ASIC2: variants seen among roughly 807,000 people sequenced by gnomAD.
ASIC2 encodes acid-sensing ion channel 2.
A neutral mutation model predicts 57.3 loss-of-function variants in ASIC2; 25 were observed. The observed-to-expected ratio is 0.44, with a 90% confidence interval of 0.32 to 0.61. The LOEUF is 0.61. ASIC2 is among the 20% of genes least tolerant of loss of function. The pLI is 0.06. For missense variants in ASIC2, 641 were observed against 738.1 expected (o/e 0.87, Z 1.52); for synonymous variants, 319 against 307.5 (o/e 1.04, Z -0.39).
intron 1 of ASIC2, among the ~76,000 whole-genome samples, chr17:33,508,255 G>T (rs1914324426): frequency 6.6e-6 from 1 of 152,066 alleles, no homozygotes; most frequent in Admixed American, 6.6e-5. Context: ...TGGGGGTGCT[G>T]TGCTGTGGCT....
chr17:33,285,562 A>T (rs1905123079), intron 1 of ASIC2, among the ~76,000 whole-genome samples: 1 of 152,362 alleles, frequency 6.6e-6, no homozygotes, highest in South Asian at 2.1e-4. Flanking sequence ...AAACAGGAGA[A>T]TCCTGAAACC....
chr17:33,947,741 A>G (rs1298215036), intron 1 of ASIC2, among the ~76,000 whole-genome samples: 1 of 152,218 alleles, frequency 6.6e-6, no homozygotes, highest in Non-Finnish European at 1.5e-5. Context: ...AAGCACAAAG[A>G]TAAGTTGTGT....
At chr17:33,780,593 A>C (rs948451356) in intron 1 of ASIC2, among the ~76,000 whole-genome samples, 2 of 152,218 alleles carry the variant, frequency 1.3e-5, no homozygotes, top group Non-Finnish European at 2.9e-5. Context: ...TTCTTGGATG[A>C]GTTACTTAAC....
intron 1 of ASIC2, among the ~76,000 whole-genome samples, chr17:33,878,804 G>A (rs554234785): frequency 1.4e-4 from 21 of 152,278 alleles, no homozygotes; most frequent in African/African-American, 4.8e-4. Context: ...ACACATAATT[G>A]TCAGATTCAC....
intron 1 of ASIC2, among the ~76,000 whole-genome samples, chr17:33,176,354 T>G: frequency 6.6e-6 from 1 of 152,210 alleles, no homozygotes; most frequent in East Asian, 1.9e-4. Context: ...TGTTTTTTCT[T>G]TTTTGAGATA....
intron 1 of ASIC2, among the ~76,000 whole-genome samples, chr17:34,041,746 C>T (rs192994591): frequency 7.2e-5 from 11 of 152,314 alleles, no homozygotes; most frequent in African/African-American, 2.2e-4. Flanking sequence ...TGCTTGTTAT[C>T]GCTTTCTAGA....
intron 1 of ASIC2, among the ~76,000 whole-genome samples, chr17:33,163,779 A>T (rs1247293107): frequency 6.6e-6 from 1 of 152,172 alleles, no homozygotes; most frequent in African/African-American, 2.4e-5. Flanking sequence ...TGCTGTGGGG[A>T]AAAGTACCAA....
chr17:33,417,164 T>C (rs1482795757), intron 1 of ASIC2, among the ~76,000 whole-genome samples: 1 of 152,146 alleles, frequency 6.6e-6, no homozygotes, highest in Non-Finnish European at 1.5e-5. Flanking sequence ...GCTGGAGGAC[T>C]AGGGTGTTGA....
intron 1 of ASIC2, among the ~76,000 whole-genome samples, chr17:34,027,311 A>C (rs1217505450): frequency 2.6e-5 from 4 of 152,186 alleles, no homozygotes; most frequent in Non-Finnish European, 5.9e-5. Context: ...AGTTATTTGA[A>C]GCATTCTCTA....
intron 2 of ASIC2, among the ~76,000 whole-genome samples, chr17:33,102,735 TA>T (rs1262717971): frequency 2.0e-5 from 3 of 152,328 alleles, no homozygotes; most frequent in South Asian, 2.1e-4. Context: ...TTCTATGGAT[TA>T]AAAAAAGTTT....
At chr17:33,268,394 T>TCC (rs1909561366) in intron 1 of ASIC2, among the ~76,000 whole-genome samples, 1 of 148,272 alleles carries the variant, frequency 6.7e-6, no homozygotes, top group Admixed American at 6.8e-5. Flanking sequence ...TCCATCCATC[T>TCC]ATACATTTAT....
intron 1 of ASIC2, among the ~76,000 whole-genome samples, chr17:33,767,751 C>A (rs935019496): frequency 9.2e-5 from 14 of 152,136 alleles, no homozygotes; most frequent in African/African-American, 2.9e-4. Context: ...TTACTTGTAA[C>A]CTTGAGACTA....
intron 1 of ASIC2, among the ~76,000 whole-genome samples, chr17:33,275,499 C>A (rs1045480085): frequency 6.6e-6 from 1 of 152,126 alleles, no homozygotes; most frequent in Admixed American, 6.5e-5. Flanking sequence ...TTGTGTGTGT[C>A]GTAAACTAGC....
chr17:34,093,349 C>T (rs1910402852), intron 1 of ASIC2, among the ~76,000 whole-genome samples: 1 of 152,124 alleles, frequency 6.6e-6, no homozygotes, highest in African/African-American at 2.4e-5. Context: ...TTGGGAATTG[C>T]CAACTTGACT....
chr17:33,740,578 A>C (rs1404887935), intron 1 of ASIC2, among the ~76,000 whole-genome samples: 1 of 152,176 alleles, frequency 6.6e-6, no homozygotes, highest in African/African-American at 2.4e-5. Context: ...TGCGAGCTAC[A>C]ATTCAAGATG....
chr17:34,033,657 C>T (rs763205922), intron 1 of ASIC2, among the ~76,000 whole-genome samples: 5 of 152,012 alleles, frequency 3.3e-5, no homozygotes, highest in Admixed American at 1.3e-4. Flanking sequence ...ATCAAATAGA[C>T]GCAATAAAAA....
chr17:33,407,596 A>G (rs1037459416), intron 1 of ASIC2, among the ~76,000 whole-genome samples: 1 of 152,236 alleles, frequency 6.6e-6, no homozygotes, highest in African/African-American at 2.4e-5. Context: ...AAAAGAGGAA[A>G]AGTTCTATAG....
At chr17:34,132,058 G>T (rs897018684) in intron 1 of ASIC2, among the ~76,000 whole-genome samples, 2 of 152,182 alleles carry the variant, frequency 1.3e-5, no homozygotes, top group Non-Finnish European at 2.9e-5. Flanking sequence ...GCTTTCTACA[G>T]GAGGATCATA....
At chr17:34,086,421 TG>T (rs1412716417) in intron 1 of ASIC2, among the ~76,000 whole-genome samples, 1 of 152,202 alleles carries the variant, frequency 6.6e-6, no homozygotes, top group Non-Finnish European at 1.5e-5. Flanking sequence ...TTATAATTTC[TG>T]TTCTTTTACA....
Sources: gnomAD v4.1 joint callset for allele counts (sites outside exome capture counted in the v4.1 genomes callset) on GRCh38, gnomAD v4.1.1 for gene constraint, MANE v1.5 for transcripts, NCBI Gene and HGNC (gene_info 2026-07-23, HGNC 2026-07-21) for gene names.